The following RFC1 variants were observed in gnomAD, a reference collection of about 807,000 sequenced individuals.
RFC1 encodes replication factor C subunit 1, also known as A1 140 kDa subunit.
RFC1 carries 37 observed loss-of-function variants against 137.4 expected under a neutral mutation model. The ratio of observed to expected loss-of-function variants is 0.27; its 90% confidence interval spans 0.21 to 0.35. The LOEUF (loss-of-function observed/expected upper bound fraction) is 0.35, where lower values mean the gene tolerates loss of function less well. Ranked by LOEUF, RFC1 falls within the 10% of genes least tolerant of loss-of-function variation. RFC1 has a pLI of 1.00. For synonymous variants in RFC1, 429 were observed against 455.7 expected (o/e 0.94, Z 0.75); for missense variants, 1,205 against 1,358.5 (o/e 0.89, Z 1.78).
Position 39,348,434 on chromosome 4 carries a change from G to GAAAAGAAAAGAAAAGAAAAGAA in RFC1, c.132+2892_132+2913dup, listed in dbSNP as rs1560619916. 1.7e-4 allele frequency among the ~76,000 whole-genome samples: 15 copies of GAAAAGAAAAGAAAAGAAAAGAA among 86,922 alleles called. 1 individual carries two copies. The highest frequency in any genetic ancestry group is 6.4e-4 in the African/African-American group (15 of 23,564). 57.0% of individuals were successfully genotyped at this position (86,922 alleles called of 152,430 possible). On this transcript the variant is annotated intron_variant, in intron 2 of 24. Coordinates refer to ENST00000349703, the MANE Select transcript of RFC1 (RefSeq NM_002913.5). ...CAAGACTCTGTTTCAAAAAAGAAAA[G>GAAAAGAAAAGAAAAGAAAAGAA]AAAAGAAAAGAAAAGAAAAGAAAAG... is the stretch of plus-strand genomic sequence containing the variant.
chr4:39,318,187 A>G (rs1199789934), intron 9 of RFC1: 2 of 152,256 alleles, frequency 1.3e-5, no homozygotes, highest in Non-Finnish European at 2.9e-5. Flanking sequence ...TTAACCAATA[A>G]AATAGTTCAG....
intron 6 of RFC1, among the ~76,000 whole-genome samples, chr4:39,325,751 C>T (rs1482111584): frequency 1.3e-5 from 2 of 152,226 alleles, no homozygotes; most frequent in Non-Finnish European, 2.9e-5. Flanking sequence ...TGTTTCAAGG[C>T]ACATTCAGAT....
At chr4:39,364,025 A>G (rs1741894230) in intron 1 of RFC1, among the ~76,000 whole-genome samples, 1 of 148,156 alleles carries the variant, frequency 6.7e-6, no homozygotes, top group Non-Finnish European at 1.5e-5. Context: ...GATGGCAGTG[A>G]GCTATCATCA....
intron 1 of RFC1, among the ~76,000 whole-genome samples, chr4:39,362,346 T>C (rs1463521766): frequency 1.3e-5 from 2 of 152,146 alleles, no homozygotes; most frequent in African/African-American, 4.8e-5. Flanking sequence ...CAAGACAATC[T>C]TGAAAAAGAA....
intron 1 of RFC1, among the ~76,000 whole-genome samples, chr4:39,363,065 C>T (rs1452403853): frequency 6.6e-6 from 1 of 152,208 alleles, no homozygotes; most frequent in Non-Finnish European, 1.5e-5. Flanking sequence ...ACTGACCTCA[C>T]GGCTCTTCAA....
At position 39,288,837 on chromosome 4, in the gene RFC1, G is replaced by C. The variant is rs1004627601; in HGVS notation, c.3368C>G (p.Thr1123Arg). Residue 1123 changes from threonine to arginine, a missense_variant, in exon 25 of 25, where the codon ACA becomes AGA. Coordinates refer to ENST00000349703, the MANE Select transcript of RFC1 (RefSeq NM_002913.5). ...IETDAMIKKKTKSSKPSKPEK... is the reference protein window; with the variant it reads ...IETDAMIKKKRKSSKPSKPEK... The stretch of plus-strand genomic sequence containing the variant: ...TGGTTTTGAAGGCTTTGAAGATTTT[G>C]TCTTTTTCTGTTAGGGGGAAGATAA... 1.9e-6 allele frequency: 3 copies of C among 1,604,068 alleles called. No homozygotes were observed. The highest frequency in any genetic ancestry group is 2.7e-5 in the African/African-American group (2 of 73,136).
rs557000558 is a variant in RFC1, at chr4:39,332,973, T to C, written c.332-5217A>G. Among the ~76,000 whole-genome samples the C allele has an allele frequency of 3.3e-5, 5 of 152,228 alleles. No homozygotes were observed. The South Asian group carries it at 1.0e-3, about 32-fold the overall frequency. On this transcript the variant is annotated intron_variant, in intron 4 of 24. Coordinates refer to ENST00000349703, the MANE Select transcript of RFC1 (RefSeq NM_002913.5). ...TCTCTACAAATACAATAAGACAAAA[T>C]TTTAGAGGCTAAGTGCCCAGTGTAG... is the stretch of plus-strand genomic sequence containing the variant.
intron 2 of RFC1, 94 bp from the exon 3 acceptor site, chr4:39,345,570 G>A (rs1578160359): frequency 5.2e-6 from 5 of 959,532 alleles, no homozygotes; most frequent in Admixed American, 2.5e-5. Flanking sequence ...ATCCAGGCTG[G>A]AGCGCAGTGG....
Position 39,342,563 on chromosome 4 carries a change from C to CG in RFC1, c.209-97_209-96insC, listed in dbSNP as rs897720568. 6.5e-6 allele frequency: 8 copies of CG among 1,227,814 alleles called. No individual in the cohort carries two copies. The African/African-American group carries it at 1.2e-4, about 19-fold the overall frequency. 76.1% of individuals were successfully genotyped at this position (1,227,814 alleles called of 1,614,324 possible). A position where few individuals can be genotyped will look rare whatever the true frequency, so the allele number is the denominator to read the frequency against. On this transcript the variant is annotated intron_variant, in intron 3 of 24. Transcript: ENST00000349703. ...TCACGGTGAACCAATTCCTCAAGGT[C>CG]TTTTTCAAGGCACATGTCTTCTGTG...
In RFC1 at chr4:39,304,844, T is replaced by C; in HGVS notation, c.2080A>G (p.Asn694Asp). ...SLKAIVAESL[N>D]NTSIKGFYSN... is the part of the protein sequence containing the mutation. ...TAAAAGCCTTTGATGCTGGTATTGTTCAGTGACTCAGCAACAATCGCCTTC... is the reference window on the plus strand; with the variant it reads ...TAAAAGCCTTTGATGCTGGTATTGTCCAGTGACTCAGCAACAATCGCCTTC... Residue 694 changes from asparagine (N) to aspartate (D), a missense_variant, in exon 15 of 25, where the codon AAC becomes GAC. By Grantham distance (23) the Asn-to-Asp change is conservative. Coordinates refer to ENST00000349703, the MANE Select transcript of RFC1 (RefSeq NM_002913.5). The C allele has an allele frequency of 6.2e-7, 1 of 1,611,568 alleles. No homozygotes were observed. Among genetic ancestry groups the C allele is most frequent in the South Asian group, 1.1e-5 (1 of 91,016 alleles).
intron 1 of RFC1, among the ~76,000 whole-genome samples, chr4:39,361,776 C>T (rs530499904): frequency 2.6e-5 from 4 of 152,080 alleles, no homozygotes; most frequent in African/African-American, 9.7e-5. Flanking sequence ...CAGCTGGGCG[C>T]GGTGGCTCAC....
Position 39,291,309 on chromosome 4 carries a change from C to G in RFC1, c.3168+330G>C, listed in dbSNP as rs146854502. Reference sequence around the variant, plus strand: ...ATTTTATTTTTACAACCCATTACCACCAGAGCTCACCGCTCAACTTTTAAT... The same window carrying G: ...ATTTTATTTTTACAACCCATTACCAGCAGAGCTCACCGCTCAACTTTTAAT... On this transcript the variant is annotated intron_variant, in intron 23 of 24. Transcript: ENST00000349703. 3.9e-5 allele frequency among the ~76,000 whole-genome samples: 6 copies of G among 152,334 alleles called. No individual in the cohort carries two copies. In the East Asian group the frequency reaches 5.8e-4, roughly 15 times the overall value.
intron 4 of RFC1, 68 bp from the exon 5 acceptor site, chr4:39,327,824 A>G: frequency 8.4e-7 from 1 of 1,188,028 alleles, no homozygotes; most frequent in Non-Finnish European, 1.2e-6. Flanking sequence ...AAACACTTCT[A>G]CCAACTTTAT....
intron 21 of RFC1, among the ~76,000 whole-genome samples, chr4:39,296,942 A>T (rs953251074): frequency 8.3e-4 from 126 of 151,366 alleles, no homozygotes; most frequent in African/African-American, 2.6e-3. Context: ...AATGATTGCC[A>T]TTCTAACTGG....
At chr4:39,349,899 G>T (rs749741975) in intron 2 of RFC1, among the ~76,000 whole-genome samples, 2 of 152,148 alleles carry the variant, frequency 1.3e-5, no homozygotes, top group Non-Finnish European at 2.9e-5. Context: ...AGCTACTTGG[G>T]AGGCTGAGGC....
At chr4:39,310,922 A>G (rs894425761) in intron 12 of RFC1, among the ~76,000 whole-genome samples, 2 of 152,154 alleles carry the variant, frequency 1.3e-5, no homozygotes, top group African/African-American at 4.8e-5. Context: ...TGGGTGAATC[A>G]CTTGAGGTCA....
chr4:39,323,564 G>C (rs1252048120), intron 6 of RFC1, 147 bp from the exon 7 acceptor site: 1 of 708,514 alleles, frequency 1.4e-6, no homozygotes, highest in South Asian at 1.9e-5. Context: ...AACATTAATA[G>C]TGAAGTATCA....
intron 11 of RFC1, among the ~76,000 whole-genome samples, chr4:39,312,385 G>A (rs1036184781): frequency 6.6e-6 from 1 of 152,064 alleles, no homozygotes; most frequent in African/African-American, 2.4e-5. Flanking sequence ...CCAACAGGCC[G>A]CTGATTCTTT....
At chr4:39,293,166 T>C (rs1737784286) in intron 22 of RFC1, among the ~76,000 whole-genome samples, 1 of 152,172 alleles carries the variant, frequency 6.6e-6, no homozygotes, top group Non-Finnish European at 1.5e-5. Context: ...TTTAATTTCA[T>C]CCATTTCCTC....
Sources: gnomAD v4.1 joint callset for allele counts (sites outside exome capture counted in the v4.1 genomes callset) on GRCh38, gnomAD v4.1.1 for gene constraint, MANE v1.5 for transcripts, NCBI Gene and HGNC (gene_info 2026-07-23, HGNC 2026-07-21) for gene names.